Variants in ROBO2 observed in about 807,000 individuals in gnomAD.
ROBO2 encodes roundabout guidance receptor 2, also known as roundabout homolog 2.
ROBO2 carries 53 observed loss-of-function variants against 160.8 expected under a neutral mutation model. The ratio of observed to expected loss-of-function variants is 0.33; its 90% CI spans 0.26 to 0.41. The LOEUF is 0.41. Ranked by LOEUF, ROBO2 falls within the 10% of genes least tolerant of loss-of-function variation. ROBO2 has a pLI of 1.00. For missense variants in ROBO2, 1,577 were observed against 1,722.4 expected (o/e 0.92, Z 1.49); for synonymous variants, 664 against 611.7 (o/e 1.09, Z -1.26).
intron 19 of ROBO2, among the ~76,000 whole-genome samples, chr3:77,598,863 A>G (rs902814281): frequency 3.4e-4 from 52 of 152,204 alleles, no homozygotes; most frequent in African/African-American, 1.2e-3. Flanking sequence ...TTGTCAATGA[A>G]GGAATAGCTG....
At chr3:76,555,391 AAG>A (rs1560141027) in intron 2 of ROBO2, among the ~76,000 whole-genome samples, 47 of 71,976 alleles carry the variant, frequency 6.5e-4, no homozygotes, top group African/African-American at 1.3e-3. Flanking sequence ...GAAGAAGAAG[AAG>A]AAGAAGAAGA....
At chr3:76,202,241 G>T (rs558828780) in intron 2 of ROBO2, among the ~76,000 whole-genome samples, 49 of 152,224 alleles carry the variant, frequency 3.2e-4, no homozygotes, top group African/African-American at 1.2e-3. Flanking sequence ...TTCATAAAAT[G>T]GAGAAGAAAA....
intron 2 of ROBO2, among the ~76,000 whole-genome samples, chr3:77,306,683 C>T (rs1560495700): frequency 6.6e-6 from 1 of 152,094 alleles, no homozygotes. Flanking sequence ...GTTTCTAAAA[C>T]TTATGTCAGT....
chr3:77,290,343 A>C (rs1463184837), intron 2 of ROBO2, among the ~76,000 whole-genome samples: 1 of 94,046 alleles, frequency 1.1e-5, no homozygotes. Context: ...ACATAAAGTA[A>C]AATTGATGGT....
intron 2 of ROBO2, among the ~76,000 whole-genome samples, chr3:76,741,680 T>C (rs1645225400): frequency 6.9e-6 from 1 of 145,706 alleles, no homozygotes; most frequent in African/African-American, 2.6e-5. Context: ...TACTTATTTA[T>C]AAGAATACAA....
At chr3:77,536,358 A>T (rs2092101551) in intron 6 of ROBO2, among the ~76,000 whole-genome samples, 2 of 151,992 alleles carry the variant, frequency 1.3e-5, no homozygotes, top group Admixed American at 6.6e-5. Flanking sequence ...AATCTAAAAG[A>T]ACAAATCAAA....
intron 2 of ROBO2, among the ~76,000 whole-genome samples, chr3:77,277,742 G>C (rs1194084496): frequency 6.6e-6 from 1 of 152,112 alleles, no homozygotes; most frequent in Non-Finnish European, 1.5e-5. Context: ...CTGCTGTTGT[G>C]AATAGTGCTG....
chr3:77,347,397 A>AT (rs2067778716), intron 2 of ROBO2, among the ~76,000 whole-genome samples: 1 of 152,078 alleles, frequency 6.6e-6, no homozygotes, highest in African/African-American at 2.4e-5. Context: ...TTCTTAAAAC[A>AT]TTTTTGTAGC....
exon 9 of ROBO2, chr3:77,558,141 A>G: frequency 6.2e-7 from 1 of 1,612,560 alleles, no homozygotes; most frequent in Non-Finnish European, 8.5e-7. Context: ...GCAGATTAAG[A>G]ATTTACGGGT....
At chr3:77,382,839 T>C (rs571229135) in intron 2 of ROBO2, among the ~76,000 whole-genome samples, 20 of 152,352 alleles carry the variant, frequency 1.3e-4, no homozygotes, top group African/African-American at 3.6e-4. Flanking sequence ...TTTAGGTTGC[T>C]TCCATATCTT....
At chr3:76,896,799 T>C (rs752652088) in intron 2 of ROBO2, among the ~76,000 whole-genome samples, 3 of 152,196 alleles carry the variant, frequency 2.0e-5, no homozygotes, top group Non-Finnish European at 4.4e-5. Flanking sequence ...CCATTGATTT[T>C]GATAATGAAT....
intron 2 of ROBO2, among the ~76,000 whole-genome samples, chr3:76,408,433 A>G (rs1050973268): frequency 2.0e-5 from 3 of 152,108 alleles, no homozygotes; most frequent in African/African-American, 7.2e-5. Context: ...CACCTTGTAG[A>G]TTTTGTTCAA....
intron 2 of ROBO2, among the ~76,000 whole-genome samples, chr3:76,282,185 A>G (rs2107672215): frequency 6.6e-6 from 1 of 152,114 alleles, no homozygotes; most frequent in African/African-American, 2.4e-5. Flanking sequence ...TGGATTTCCA[A>G]CTGTTTAGTT....
intron 2 of ROBO2, among the ~76,000 whole-genome samples, chr3:77,120,180 C>T (rs909669706): frequency 6.6e-6 from 1 of 152,108 alleles, no homozygotes; most frequent in Non-Finnish European, 1.5e-5. Context: ...ATTATTTTAA[C>T]GTGTAATAGA....
At chr3:76,855,938 A>C (rs763298821) in intron 2 of ROBO2, among the ~76,000 whole-genome samples, 24 of 152,194 alleles carry the variant, frequency 1.6e-4, no homozygotes, top group Non-Finnish European at 3.1e-4. Context: ...TTTATTGCAT[A>C]ATTTGTAAAA....
At chr3:76,495,446 G>A (rs557489031) in intron 2 of ROBO2, among the ~76,000 whole-genome samples, 8 of 152,120 alleles carry the variant, frequency 5.3e-5, no homozygotes, top group African/African-American at 1.9e-4. Flanking sequence ...GAAAACTTCA[G>A]TGTCTTACCA....
chr3:76,560,514 G>A (rs889428153), intron 2 of ROBO2, among the ~76,000 whole-genome samples: 10 of 151,232 alleles, frequency 6.6e-5, no homozygotes, highest in African/African-American at 2.4e-4. Flanking sequence ...AGTGATAGCA[G>A]CTAATTGTTA....
At chr3:76,790,345 G>T (rs894517670) in intron 2 of ROBO2, among the ~76,000 whole-genome samples, 1 of 151,664 alleles carries the variant, frequency 6.6e-6, no homozygotes, top group Admixed American at 6.6e-5. Flanking sequence ...TGATGAAGGA[G>T]TTGCAGAGTA....
intron 2 of ROBO2, among the ~76,000 whole-genome samples, chr3:77,149,648 TTACC>T (rs769679333): frequency 6.6e-5 from 10 of 152,178 alleles, no homozygotes; most frequent in Non-Finnish European, 8.8e-5. Context: ...TTGAACTTCC[TTACC>T]TACCAATATC....
Sources: allele counts gnomAD v4.1 joint callset (sites outside exome capture counted in the v4.1 genomes callset), GRCh38; gene constraint gnomAD v4.1.1; transcripts MANE v1.5; gene names NCBI Gene and HGNC (gene_info 2026-07-23, HGNC 2026-07-21).